The following ACTR2 variants were observed in gnomAD, a reference collection of about 807,000 sequenced individuals.
ACTR2 encodes actin-related protein 2.
Under a neutral mutation model 50.2 loss-of-function variants are expected in ACTR2, and 5 were observed. The ratio of observed to expected loss-of-function variants is 0.10; its 90% CI spans 0.05 to 0.21. The LOEUF (loss-of-function observed/expected upper bound fraction) is 0.21. ACTR2 is among the 10% of genes least tolerant of loss of function. ACTR2 has a pLI of 1.00. For synonymous variants in ACTR2, 140 were observed against 162.9 expected (o/e 0.86, Z 1.07); for missense variants, 180 against 480.6 (o/e 0.37, Z 5.85).
At chr2:65,258,723 G>A (rs933305067) in intron 6 of ACTR2, among the ~76,000 whole-genome samples, 1 of 152,100 alleles carries the variant, frequency 6.6e-6, no homozygotes, top group Non-Finnish European at 1.5e-5. Flanking sequence ...GATAAGATTT[G>A]GTGCAAAGAA....
chr2:65,230,139 C>A (rs1332907094), intron 1 of ACTR2, among the ~76,000 whole-genome samples: 1 of 152,134 alleles, frequency 6.6e-6, no homozygotes, highest in Non-Finnish European at 1.5e-5. Flanking sequence ...ACATGTGCGG[C>A]TAAAATTCAG....
At chr2:65,228,051 G>A (rs1671560262) in intron 1 of ACTR2, 94 bp downstream of exon 1, 1 of 1,226,486 alleles carries the variant, frequency 8.2e-7, no homozygotes. Flanking sequence ...CTGCACCTCC[G>A]GGCCCTCGGG....
In ACTR2 at chr2:65,262,483, C is replaced by T. The variant is rs1052638152; in HGVS notation, c.881+1091C>T. 3.3e-5 allele frequency among the ~76,000 whole-genome samples: 5 copies of T among 151,650 alleles called. No homozygotes were observed. In the East Asian group the frequency reaches 9.7e-4, roughly 29 times the overall value. ...CTCGAACTCCTGGCCTCAAGTGATC[C>T]ACCCCACCTCAGCCTACCAAAGTGC... On this transcript the variant is annotated intron_variant, in intron 7 of 8. Coordinates refer to ENST00000260641, the MANE Select transcript of ACTR2 (RefSeq NM_005722.4).
intron 1 of ACTR2, among the ~76,000 whole-genome samples, chr2:65,238,242 C>T (rs1671775021): frequency 6.6e-6 from 1 of 151,992 alleles, no homozygotes; most frequent in Non-Finnish European, 1.5e-5. Context: ...TAGTTAAATC[C>T]TGTAGAATAT....
chr2:65,267,194 A>G (rs1356277380), intron 8 of ACTR2, among the ~76,000 whole-genome samples: 1 of 152,004 alleles, frequency 6.6e-6, no homozygotes, highest in Non-Finnish European at 1.5e-5. Context: ...TTTAAGTTTT[A>G]TTGGAACACA....
intron 1 of ACTR2, among the ~76,000 whole-genome samples, chr2:65,230,704 C>T (rs1050796376): frequency 2.0e-5 from 3 of 152,034 alleles, no homozygotes; most frequent in African/African-American, 7.2e-5. Flanking sequence ...AGCCACTGCA[C>T]CCTGCTGTCA....
At chr2:65,266,784 A>G (rs1672379524) in intron 8 of ACTR2, among the ~76,000 whole-genome samples, 1 of 152,174 alleles carries the variant, frequency 6.6e-6, no homozygotes, top group Non-Finnish European at 1.5e-5. Flanking sequence ...GAAATGTAAT[A>G]GGATTGCCAT....
intron 2 of ACTR2, among the ~76,000 whole-genome samples, chr2:65,241,351 G>C (rs3821185): frequency 0.54 from 82,255 of 151,904 alleles, 22,538 homozygotes; most frequent in East Asian, 0.79. Context: ...AATTTATTTT[G>C]CAACATAGGC....
chr2:65,242,681 C>CG (rs1479574872), intron 2 of ACTR2: 1 of 508,476 alleles, frequency 2.0e-6, no homozygotes, highest in African/African-American at 1.9e-5. Context: ...AGATTTCCCC[C>CG]CCAAACATTG....
Position 65,239,843 on chromosome 2 carries a change from T to G in ACTR2, c.49-9T>G. On this transcript the variant is annotated splice_polypyrimidine_tract_variant and intron_variant, in intron 1 of 8. Coordinates refer to ENST00000260641, the MANE Select transcript of ACTR2 (RefSeq NM_005722.4). ...GCTAACCCACTTTTATTTTACTGTT[T>G]CATTCCAGTTTGTGAAGTGTGGATA... 1 of 1,554,248 alleles carries G rather than the reference T, an allele frequency of 6.4e-7. No individual in the cohort carries two copies. Among genetic ancestry groups the G allele is most frequent in the East Asian group, 2.2e-5 (1 of 44,558 alleles).
chr2:65,242,080 A>C, intron 2 of ACTR2: 2 of 1,577,818 alleles, frequency 1.3e-6, no homozygotes, highest in Non-Finnish European at 1.7e-6. Context: ...GAGGTTACAC[A>C]CATGCTCTGT....
intron 1 of ACTR2, among the ~76,000 whole-genome samples, chr2:65,231,182 C>G (rs1327504966): frequency 6.6e-6 from 1 of 151,940 alleles, no homozygotes; most frequent in Non-Finnish European, 1.5e-5. Context: ...GTAATTAATT[C>G]AAATAAAATT....
rs540017709 is a variant in ACTR2, at chr2:65,249,537, A to G, written c.376-1490A>G. On this transcript the variant is annotated intron_variant, in intron 3 of 8. Coordinates refer to ENST00000260641, the MANE Select transcript of ACTR2 (RefSeq NM_005722.4). ...ATAAAGGATGATGGAATAAAATACT[A>G]TTCAGACTATCTAATTGCTTAATTG... 2.2e-4 allele frequency among the ~76,000 whole-genome samples: 33 copies of G among 152,380 alleles called. No individual in the cohort carries two copies. The South Asian group carries it at 6.6e-3, about 31-fold the overall frequency.
In ACTR2 at chr2:65,227,889, C is replaced by G; in HGVS notation, c.-21C>G. ...GTGGCTGTAGGTTGTGCGGCTGCAG[C>G]GGCTCTTCCCTGGGCGGACGATGGA... On this transcript the variant is annotated 5_prime_UTR_variant, in exon 1 of 9. Coordinates refer to ENST00000260641, the MANE Select transcript of ACTR2 (RefSeq NM_005722.4). 2.7e-6 allele frequency: 4 copies of G among 1,505,308 alleles called. No homozygotes were observed. Among genetic ancestry groups the G allele is most frequent in the South Asian group, 1.2e-5 (1 of 80,348 alleles). 93.2% of individuals were successfully genotyped at this position (1,505,308 alleles called of 1,614,324 possible). A position where few individuals can be genotyped will look rare whatever the true frequency, so the allele number is the denominator to read the frequency against.
rs991775534 is a variant in ACTR2, at chr2:65,255,451, T to C, written c.586-94T>C. The C allele has an allele frequency of 2.4e-4, 269 of 1,116,448 alleles. 1 individual carries two copies. Among genetic ancestry groups the C allele is most frequent in the Non-Finnish European group, 2.3e-4 (184 of 796,114 alleles). 69.2% of individuals were successfully genotyped at this position (1,116,448 alleles called of 1,614,324 possible). ...AGGATCCACTGCCCATTCTGTTTGTTATTGATGTGACATATTTAATGAGCA... is the reference window on the plus strand; with the variant it reads ...AGGATCCACTGCCCATTCTGTTTGTCATTGATGTGACATATTTAATGAGCA... On this transcript the variant is annotated intron_variant, in intron 5 of 8. Coordinates refer to ENST00000260641, the MANE Select transcript of ACTR2 (RefSeq NM_005722.4).
intron 6 of ACTR2, among the ~76,000 whole-genome samples, chr2:65,257,003 T>A (rs978658312): frequency 6.6e-6 from 1 of 152,152 alleles, no homozygotes; most frequent in African/African-American, 2.4e-5. Flanking sequence ...AATGCAGGTT[T>A]GTTACATAGG....
intron 1 of ACTR2, 118 bp from the exon 2 acceptor site, chr2:65,239,734 G>T (rs1671807965): frequency 1.4e-6 from 1 of 698,634 alleles, no homozygotes; most frequent in South Asian, 1.6e-5. Flanking sequence ...CGGGTGGACT[G>T]AAAGCACCAA....
chr2:65,243,144 T>G (rs1298743587), intron 2 of ACTR2, among the ~76,000 whole-genome samples: 1 of 151,722 alleles, frequency 6.6e-6, no homozygotes, highest in African/African-American at 2.4e-5. Context: ...CCAGGTGTGG[T>G]GGTGTGTGCC....
chr2:65,257,283 AT>A (rs534119260), intron 6 of ACTR2, among the ~76,000 whole-genome samples: 163 of 151,936 alleles, frequency 1.1e-3, no homozygotes, highest in African/African-American at 3.5e-3. Flanking sequence ...GAACTCATTC[AT>A]TTTTTTATGG....
Sources: allele counts gnomAD v4.1 joint callset (sites outside exome capture counted in the v4.1 genomes callset), GRCh38; gene constraint gnomAD v4.1.1; transcripts MANE v1.5; gene names NCBI Gene and HGNC (gene_info 2026-07-23, HGNC 2026-07-21).